Variants in PRKDC observed in about 807,000 individuals in gnomAD.
The protein encoded by PRKDC is DNA-dependent protein kinase catalytic subunit.
PRKDC carries 82 observed loss-of-function variants against 486.9 expected under a neutral mutation model. That is an observed-to-expected ratio of 0.17 (90% CI 0.14 to 0.20). The LOEUF (loss-of-function observed/expected upper bound fraction) is 0.20. Ranked by LOEUF, PRKDC falls within the 10% of genes least tolerant of loss-of-function variation. The probability of loss-of-function intolerance (pLI) is 1.00; values close to 1 mark genes in which losing one functional copy is unlikely to be tolerated. For synonymous variants in PRKDC, 1,895 were observed against 1,837.0 expected, an observed-to-expected ratio of 1.03 and a Z score of -0.81; for missense variants, 4,504 against 5,038.2, an observed-to-expected ratio of 0.89 and a Z score of 3.21.
chr8:47,941,662 C>G (rs1174116797), intron 10 of PRKDC, among the ~76,000 whole-genome samples: 2 of 152,100 alleles, frequency 1.3e-5, no homozygotes, highest in East Asian at 3.9e-4. Context: ...TTATCTGGGC[C>G]CTTTAGCTGT....
At chr8:47,938,072 C>A (rs896558260) in intron 11 of PRKDC, among the ~76,000 whole-genome samples, 2 of 152,006 alleles carry the variant, frequency 1.3e-5, no homozygotes, top group Non-Finnish European at 2.9e-5. Flanking sequence ...TATGATTGTA[C>A]CACTACACTC....
chr8:47,873,708 C>T (rs957988910), intron 40 of PRKDC, among the ~76,000 whole-genome samples: 1 of 152,100 alleles, frequency 6.6e-6, no homozygotes, highest in Non-Finnish European at 1.5e-5. Flanking sequence ...TTTGGAAAAA[C>T]GTGAATGGAA....
chr8:47,826,962 GGGTA>G, intron 62 of PRKDC, 101 bp from the exon 63 acceptor site: 3 of 1,135,148 alleles, frequency 2.6e-6, no homozygotes, highest in Non-Finnish European at 3.6e-6. Context: ...GTACCCATGT[GGGTA>G]GTGATATCAC....
At chr8:47,918,954 T>C (rs1471219003) in intron 21 of PRKDC, among the ~76,000 whole-genome samples, 1 of 152,046 alleles carries the variant, frequency 6.6e-6, no homozygotes, top group Non-Finnish European at 1.5e-5. Flanking sequence ...GTACCCCGAA[T>C]AAATTCCTTT....
At chr8:47,904,416 G>A (rs775392572) in intron 26 of PRKDC, among the ~76,000 whole-genome samples, 6 of 152,214 alleles carry the variant, frequency 3.9e-5, no homozygotes, top group Non-Finnish European at 8.8e-5. Context: ...CACCATGCCA[G>A]CTAATTTTTC....
At chr8:47,933,266 C>A in intron 15 of PRKDC, 94 bp from the exon 16 acceptor site, 1 of 1,030,064 alleles carries the variant, frequency 9.7e-7, no homozygotes, top group South Asian at 2.4e-5. Context: ...ATGTATGTGC[C>A]GGTTTGGGTA....
chr8:47,807,404 T>C (rs2087236443), intron 68 of PRKDC, 78 bp from the exon 69 acceptor site: 3 of 1,225,488 alleles, frequency 2.4e-6, no homozygotes, highest in South Asian at 3.5e-5. Context: ...GCAGAAATTC[T>C]AAACCTTAGT....
Position 47,890,399 on chromosome 8 carries a change from T to G in PRKDC, c.3929A>C (p.Glu1310Ala). 2 of 1,607,352 alleles carry G rather than the reference T, an allele frequency of 1.2e-6. No homozygotes were observed. Among genetic ancestry groups the G allele is most frequent in the Non-Finnish European group, 1.7e-6 (2 of 1,176,584 alleles). Residue 1310 changes from glutamate to alanine, a missense_variant, in exon 32 of 86, where the codon GAA (glutamate) becomes GCA (alanine). By Grantham distance (107) the Glu-to-Ala change is moderately radical (BLOSUM62 -1). This residue lies in a region of PRKDC where 1,969 missense variants were observed against 2,068.9 expected (regional missense o/e 0.95). Transcript: ENST00000314191. ...TGCTGCCCCAGTGCCAAAGCACTTT[T>G]CTGCTGCTATAATGTCATGCATGGC... Reference protein sequence around the residue: ...SIAMHDIIAAEKCFGTGAAGN... With the variant: ...SIAMHDIIAAAKCFGTGAAGN...
chr8:47,894,379 C>T (rs1589772508), intron 30 of PRKDC, among the ~76,000 whole-genome samples: 1 of 151,828 alleles, frequency 6.6e-6, no homozygotes. Context: ...TAATAATGAG[C>T]AAAAAATAAA....
At chr8:47,871,318 G>A (rs1009177959) in intron 40 of PRKDC, among the ~76,000 whole-genome samples, 1 of 152,090 alleles carries the variant, frequency 6.6e-6, no homozygotes, top group Non-Finnish European at 1.5e-5. Flanking sequence ...CAAGAATAAA[G>A]AAAGGATCCC....
At chr8:47,916,230 G>A (rs571236067) in intron 22 of PRKDC, among the ~76,000 whole-genome samples, 155 of 152,162 alleles carry the variant, frequency 1.0e-3, no homozygotes, top group Non-Finnish European at 1.3e-3. Context: ...GGCAGATCAC[G>A]AGGTCAGGAG....
chr8:47,947,014 A>T (rs1172794787), intron 7 of PRKDC, among the ~76,000 whole-genome samples: 1 of 152,190 alleles, frequency 6.6e-6, no homozygotes, highest in African/African-American at 2.4e-5. Context: ...ATCCCAGCTC[A>T]GAAAACTGTC....
At chr8:47,881,799 TTTC>T in intron 37 of PRKDC, 110 bp downstream of exon 37, 3 of 948,620 alleles carry the variant, frequency 3.2e-6, no homozygotes, top group Non-Finnish European at 4.5e-6. Flanking sequence ...GTCAAAATAT[TTTC>T]TTATTTGTCA....
At chr8:47,884,894 A>G (rs1220466398) in intron 36 of PRKDC, among the ~76,000 whole-genome samples, 1 of 152,244 alleles carries the variant, frequency 6.6e-6, no homozygotes, top group Admixed American at 6.5e-5. Context: ...CATGCCAGAA[A>G]TGATAACTCA....
At chr8:47,861,781 A>G (rs2088682924) in intron 44 of PRKDC, among the ~76,000 whole-genome samples, 1 of 152,350 alleles carries the variant, frequency 6.6e-6, no homozygotes, top group Non-Finnish European at 1.5e-5. Context: ...GACTGGAGCA[A>G]TTCACTTAGA....
intron 40 of PRKDC, among the ~76,000 whole-genome samples, chr8:47,869,114 T>C (rs754690699): frequency 5.9e-5 from 9 of 152,038 alleles, no homozygotes; most frequent in Non-Finnish European, 1.3e-4. Flanking sequence ...CAATTGCAAT[T>C]CTTGGGCAAG....
chr8:47,786,498 C>T (rs1178909144), intron 76 of PRKDC, among the ~76,000 whole-genome samples: 1 of 152,068 alleles, frequency 6.6e-6, no homozygotes, highest in Non-Finnish European at 1.5e-5. Context: ...AGTCATTTAA[C>T]CTCTGTGCAC....
At chr8:47,936,164 A>G (rs572681401) in intron 12 of PRKDC, among the ~76,000 whole-genome samples, 189 bp downstream of exon 12, 1 of 152,194 alleles carries the variant, frequency 6.6e-6, no homozygotes, top group African/African-American at 2.4e-5. Flanking sequence ...AGAAACAAAT[A>G]TTTTTTTCCT....
chr8:47,904,506 G>A (rs8178064), intron 26 of PRKDC, among the ~76,000 whole-genome samples: 24 of 152,236 alleles, frequency 1.6e-4, no homozygotes, highest in African/African-American at 4.8e-4. Context: ...TGCATGCCTC[G>A]GCCTCCCAAA....
Sources: gnomAD v4.1 joint callset for allele counts (sites outside exome capture counted in the v4.1 genomes callset) on GRCh38, gnomAD v4.1.1 for gene constraint, gnomAD v4.1.1 regional missense constraint, MANE v1.5 for transcripts, NCBI Gene and HGNC (gene_info 2026-07-23, HGNC 2026-07-21) for gene names.